CKMT1A: variants seen among roughly 807,000 people sequenced by gnomAD.
CKMT1A encodes the protein creatine kinase U-type, mitochondrial.
Under a neutral mutation model 21.8 loss-of-function variants are expected in CKMT1A, and 23 were observed. That is an observed-to-expected ratio of 1.05 (90% CI 0.76 to 1.49). The LOEUF is 1.49. Among genes scored for constraint, CKMT1A ranks in the 40% most tolerant of loss-of-function variants. The probability of loss-of-function intolerance (pLI) is 0.00; values close to 1 mark genes in which losing one functional copy is unlikely to be tolerated. For synonymous variants in CKMT1A, 67 were observed against 80.4 expected, an observed-to-expected ratio of 0.83 and a Z score of 0.89; for missense variants, 154 against 229.4, an observed-to-expected ratio of 0.67 and a Z score of 2.12.
At chr15:43,697,983 T>C in intron 6 of CKMT1A, 31 bp from the exon 7 acceptor site, 2 of 1,613,636 alleles carry the variant, frequency 1.2e-6, no homozygotes, top group Non-Finnish European at 1.7e-6. Context: ...ATATCCCTGA[T>C]TTTTCATTAA....
chr15:43,695,886 G>A lies in CKMT1A; in HGVS notation c.643G>A (p.Ala215Thr), dbSNP rs1437323436. ...RYYRLSEMTE[A>T]EQQQLIDDHF... The stretch of plus-strand genomic sequence containing the variant: ...CTATAGGCTCAGTGAGATGACAGAG[G>A]CTGAACAGCAGCAGCTTATTGATGT... The change falls in exon 4 of 9, where the codon GCT becomes ACT. Residue 215 changes from alanine (A) to threonine (T), a missense_variant. Ala to Thr is a moderately conservative substitution (Grantham distance 58). Transcript: ENST00000413453. 3 of 227,930 alleles carry A rather than the reference G, an allele frequency of 1.3e-5. No individual in the cohort carries two copies. The highest frequency in any genetic ancestry group is 8.2e-5 in the South Asian group (3 of 36,440). 14.1% of individuals were successfully genotyped at this position (227,930 alleles called of 1,614,324 possible).
chr15:43,698,189 AG>A, intron 7 of CKMT1A, 41 bp downstream of exon 7: 1 of 1,582,762 alleles, frequency 6.3e-7, no homozygotes, highest in Non-Finnish European at 8.7e-7. Context: ...TGAGTAAGGA[AG>A]GGTGGGTTGT....
At position 43,699,144 on chromosome 15, in the gene CKMT1A, G is replaced by T. The variant is rs562101746; in HGVS notation, c.*55G>T. 1.4e-5 allele frequency: 22 copies of T among 1,612,966 alleles called. No individual in the cohort carries two copies. The highest frequency in any genetic ancestry group is 4.5e-5 in the East Asian group (2 of 44,852). ...TCCAAGGAGTTCTGCTCATTCTAATGATGGCCCATTCTACTTGCTCTGGAC... is the reference window on the plus strand; with the variant it reads ...TCCAAGGAGTTCTGCTCATTCTAATTATGGCCCATTCTACTTGCTCTGGAC... On this transcript the variant is annotated 3_prime_UTR_variant, in exon 9 of 9. Transcript: ENST00000413453.
intron 6 of CKMT1A, chr15:43,697,032 G>T (rs1184088760): frequency 3.3e-6 from 1 of 301,422 alleles, no homozygotes; most frequent in African/African-American, 2.2e-5. Context: ...TTTTAGGTTT[G>T]CAAAGAAAAA....
At position 43,696,248 on chromosome 15, in the gene CKMT1A, A is replaced by G. The variant is rs771874212; in HGVS notation, c.761A>G (p.Asn254Ser). The G allele has an allele frequency of 3.8e-6, 6 of 1,584,262 alleles. No homozygotes were observed. The highest frequency in any genetic ancestry group is 1.7e-5 in the Admixed American group (1 of 57,832). ...WPDARGIWHN[N>S]EKSFLIWVNE... ...CCCTCTCCGGCCCTCAGGCACAACAATGAGAAGAGCTTCCTGATCTGGGTG... is the reference window on the plus strand; with the variant it reads ...CCCTCTCCGGCCCTCAGGCACAACAGTGAGAAGAGCTTCCTGATCTGGGTG... Residue 254 changes from asparagine (N) to serine (S), a missense_variant, in exon 6 of 9, where the codon AAT becomes AGT. Transcript: ENST00000413453.
Sources: allele counts gnomAD v4.1 joint callset, GRCh38; gene constraint gnomAD v4.1.1; transcripts MANE v1.5; gene names NCBI Gene and HGNC (gene_info 2026-07-23, HGNC 2026-07-21).